The following MACROD2 variants were observed in gnomAD, a reference collection of about 807,000 sequenced individuals.
MACROD2 encodes the protein mono-ADP ribosylhydrolase 2.
Under a neutral mutation model 70.4 loss-of-function variants are expected in MACROD2, and 36 were observed. That is an observed-to-expected ratio of 0.51 (90% confidence interval 0.39 to 0.68). The LOEUF is 0.68. Among genes scored for constraint, MACROD2 ranks in the 30% least tolerant of loss-of-function variants. MACROD2 has a pLI of 0.00. For missense variants in MACROD2, 496 were observed against 538.4 expected (o/e 0.92, Z 0.78); for synonymous variants, 172 against 178.8 (o/e 0.96, Z 0.30).
At chr20:14,005,684 C>A (rs558298820) in intron 2 of MACROD2, among the ~76,000 whole-genome samples, 2 of 151,962 alleles carry the variant, frequency 1.3e-5, no homozygotes, top group African/African-American at 4.8e-5. Context: ...CTCACTACAA[C>A]CTCCACCTCC....
chr20:14,039,967 G>A lies in MACROD2; in HGVS notation c.163+37563G>A, dbSNP rs117452844. 5.2e-4 allele frequency among the ~76,000 whole-genome samples: 79 copies of A among 152,248 alleles called. 2 individuals carry two copies. The East Asian group carries it at 0.014, about 27-fold the overall frequency. ...TAGAGTGACATAAATGTCTTCTTTAGAGTATCCAGATGGAAATTGTGGCAC... is the reference window on the plus strand; with the variant it reads ...TAGAGTGACATAAATGTCTTCTTTAAAGTATCCAGATGGAAATTGTGGCAC... On this transcript the variant is annotated intron_variant, in intron 2 of 17. Coordinates refer to ENST00000684519, the MANE Select transcript of MACROD2 (RefSeq NM_001351661.2).
intron 10 of MACROD2, among the ~76,000 whole-genome samples, chr20:15,917,602 A>G (rs2065338301): frequency 6.6e-6 from 1 of 152,198 alleles, no homozygotes; most frequent in Admixed American, 6.5e-5. Flanking sequence ...GCTGTTTTCT[A>G]GAACGTCAGC....
At chr20:15,883,039 AAAC>A (rs1288641989) in intron 9 of MACROD2, among the ~76,000 whole-genome samples, 3 of 151,622 alleles carry the variant, frequency 2.0e-5, no homozygotes, top group Admixed American at 1.3e-4. Flanking sequence ...TTAAAAAAAA[AAAC>A]AAACAAACAA....
chr20:15,955,929 C>T (rs2065970819), intron 12 of MACROD2, among the ~76,000 whole-genome samples: 1 of 151,920 alleles, frequency 6.6e-6, no homozygotes, highest in African/African-American at 2.4e-5. Context: ...CAAACCTGCA[C>T]ATCCTGCACA....
At chr20:14,371,851 A>G (rs2083327043) in intron 3 of MACROD2, among the ~76,000 whole-genome samples, 1 of 151,620 alleles carries the variant, frequency 6.6e-6, no homozygotes, top group South Asian at 2.1e-4. Flanking sequence ...AATGGGAATG[A>G]AGATTCCCAT....
At chr20:15,986,601 C>T in intron 13 of MACROD2, 126 bp from the exon 14 acceptor site, 1 of 520,538 alleles carries the variant, frequency 1.9e-6, no homozygotes, top group Non-Finnish European at 3.4e-6. Flanking sequence ...GTATCTTTGC[C>T]CTTTGGTTTC....
intron 4 of MACROD2, among the ~76,000 whole-genome samples, chr20:14,669,813 C>A (rs1246745253): frequency 6.6e-6 from 1 of 151,922 alleles, no homozygotes; most frequent in Non-Finnish European, 1.5e-5. Context: ...AAGGAGACTT[C>A]CACAGAAACA....
At chr20:14,398,108 G>A (rs936381045) in intron 3 of MACROD2, among the ~76,000 whole-genome samples, 2 of 152,106 alleles carry the variant, frequency 1.3e-5, no homozygotes, top group Admixed American at 6.6e-5. Flanking sequence ...GTGTGTGTCT[G>A]TGTGTATGTA....
At chr20:15,522,482 A>G (rs2047666158) in intron 8 of MACROD2, among the ~76,000 whole-genome samples, 1 of 152,210 alleles carries the variant, frequency 6.6e-6, no homozygotes, top group Non-Finnish European at 1.5e-5. Context: ...GCAAAGATAC[A>G]TGTGTGTGTA....
chr20:14,803,133 ATCTTC>A (rs1387860672), intron 5 of MACROD2, among the ~76,000 whole-genome samples: 1 of 152,084 alleles, frequency 6.6e-6, no homozygotes, highest in African/African-American at 2.4e-5. Context: ...AATAAGTGTA[ATCTTC>A]TCCTTTGTAA....
intron 4 of MACROD2, among the ~76,000 whole-genome samples, chr20:14,567,466 G>C (rs1568674682): frequency 6.6e-6 from 1 of 152,068 alleles, no homozygotes; most frequent in Non-Finnish European, 1.5e-5. Context: ...CTTATTAAAG[G>C]TCAACAGATC....
chr20:15,176,790 G>T (rs1401369966), intron 5 of MACROD2, among the ~76,000 whole-genome samples: 1 of 152,192 alleles, frequency 6.6e-6, no homozygotes, highest in African/African-American at 2.4e-5. Context: ...CCATGTTGCA[G>T]GCAATGAGAA....
At chr20:14,044,105 G>A (rs1299125012) in intron 2 of MACROD2, among the ~76,000 whole-genome samples, 2 of 152,204 alleles carry the variant, frequency 1.3e-5, no homozygotes, top group Non-Finnish European at 2.9e-5. Flanking sequence ...CTTAAAGGCA[G>A]TGTGTCCAGA....
In MACROD2 at chr20:15,869,393, T is replaced by C. The variant is rs1471138517; in HGVS notation, c.727+6567T>C. ...AGATGAAAAACTCTATTTATGTCTA[T>C]GAAAATAATTTTAAAACTATATTTA... On this transcript the variant is annotated intron_variant, in intron 9 of 17. Transcript: ENST00000684519. Among the ~76,000 whole-genome samples the C allele has an allele frequency of 4.0e-5, 6 of 150,614 alleles. No individual in the cohort carries two copies. In the East Asian group the frequency reaches 7.8e-4, roughly 20 times the overall value.
chr20:14,693,797 T>C (rs1267901669), intron 5 of MACROD2, among the ~76,000 whole-genome samples: 1 of 152,188 alleles, frequency 6.6e-6, no homozygotes. Flanking sequence ...TGAGGTTCCT[T>C]ATACGTGATT....
chr20:14,213,205 A>G (rs1601354317), intron 3 of MACROD2, among the ~76,000 whole-genome samples: 1 of 151,934 alleles, frequency 6.6e-6, no homozygotes, highest in East Asian at 1.9e-4. Context: ...TACAGTCTTG[A>G]TATTTTTAAA....
At chr20:14,574,458 G>C (rs893875082) in intron 4 of MACROD2, among the ~76,000 whole-genome samples, 3 of 152,022 alleles carry the variant, frequency 2.0e-5, no homozygotes, top group African/African-American at 7.2e-5. Context: ...GCAGTTATCT[G>C]AGGCTCTTTG....
chr20:15,805,674 C>T lies in MACROD2; in HGVS notation c.646-57071C>T, dbSNP rs184379981. Among the ~76,000 whole-genome samples the T allele has an allele frequency of 7.2e-5, 11 of 152,200 alleles. No homozygotes were observed. In the East Asian group the frequency reaches 1.9e-3, roughly 27 times the overall value. On this transcript the variant is annotated intron_variant, in intron 8 of 17. Coordinates refer to ENST00000684519, the MANE Select transcript of MACROD2 (RefSeq NM_001351661.2). ...TATATTTAGTAGAGACGGGGTTTCT[C>T]CATGTTGGTAAGGCTGGTCTCAAAC...
chr20:14,771,477 A>G (rs1421105167), intron 5 of MACROD2, among the ~76,000 whole-genome samples: 3 of 152,036 alleles, frequency 2.0e-5, no homozygotes, highest in Non-Finnish European at 4.4e-5. Context: ...TTTCACAAAT[A>G]GCTTGTAAAG....
Sources: gnomAD v4.1 joint callset for allele counts (sites outside exome capture counted in the v4.1 genomes callset) on GRCh38, gnomAD v4.1.1 for gene constraint, MANE v1.5 for transcripts, NCBI Gene and HGNC (gene_info 2026-07-23, HGNC 2026-07-21) for gene names.